XRN1: variants seen among roughly 807,000 people sequenced by gnomAD.
XRN1 encodes 5'-3' exoribonuclease 1, also known as strand-exchange protein 1 homolog.
In XRN1, 67 loss-of-function variants were observed where a neutral mutation model predicts 222.3. The ratio of observed to expected loss-of-function variants is 0.30; its 90% CI spans 0.25 to 0.37. XRN1 has a LOEUF of 0.37. Among genes scored for constraint, XRN1 ranks in the 10% least tolerant of loss-of-function variants. The pLI, the probability that XRN1 is intolerant of heterozygous loss-of-function variation, is 1.00. For missense variants in XRN1, 1,707 were observed against 2,000.2 expected, an observed-to-expected ratio of 0.85 and a Z score of 2.80; for synonymous variants, 643 against 652.4, an observed-to-expected ratio of 0.99 and a Z score of 0.22.
intron 20 of XRN1, among the ~76,000 whole-genome samples, chr3:142,390,563 G>A (rs1472604272): frequency 3.3e-5 from 5 of 152,190 alleles, no homozygotes; most frequent in African/African-American, 9.7e-5. Context: ...GGGCCTTACT[G>A]TGGATTAACC....
rs2065109145 is a variant in XRN1 at position 142,312,678 on chromosome 3, G to A, written c.4702C>T (p.His1568Tyr). 3 of 1,613,770 alleles carry A rather than the reference G, an allele frequency of 1.9e-6. No homozygotes were observed. In the Admixed American group the frequency reaches 5.0e-5, roughly 27 times the overall value. Residue 1568 changes from histidine (H) to tyrosine (Y), a missense_variant, in exon 40 of 41, where the codon CAT becomes TAT. Coordinates refer to ENST00000392981, the MANE Select transcript of XRN1 (RefSeq NM_001282857.2). ...PSVPVPGKPF[H>Y]HTLYSGTMPM... is the part of the protein sequence containing the mutation. ...ATGGTCCCAGAATATAAAGTATGATGGAAGGGCTTCCCAGGAACTGGCACC... is the reference window on the plus strand; with the variant it reads ...ATGGTCCCAGAATATAAAGTATGATAGAAGGGCTTCCCAGGAACTGGCACC...
chr3:142,370,768 C>G (rs1463184328), intron 26 of XRN1, 148 bp from the exon 27 acceptor site: 9 of 588,792 alleles, frequency 1.5e-5, no homozygotes, highest in Non-Finnish European at 2.4e-5. Flanking sequence ...GGACATGTTA[C>G]CTCTTAGTAA....
Position 142,422,899 on chromosome 3 carries a change from G to A in XRN1, c.734C>T (p.Thr245Ile). 1.2e-6 allele frequency: 2 copies of A among 1,612,266 alleles called. No homozygotes were observed. Among genetic ancestry groups the A allele is most frequent in the Non-Finnish European group, 1.7e-6 (2 of 1,178,826 alleles). The change falls in exon 7 of 41, where the codon ACA becomes ATA. Residue 245 changes from threonine to isoleucine, a missense_variant. Around this residue, in one of 2 missense-constraint regions of XRN1, gnomAD observed 1,234 missense variants for 1,518.2 expected, o/e 0.81. Coordinates refer to ENST00000392981, the MANE Select transcript of XRN1 (RefSeq NM_001282857.2). ...TQRVCAPEET[T>I]FHLLHLSLMR... ...TAAAGACAAGTGTAGAAGGTGAAAT[G>A]TAGTTTCTTCTGGAGCACATACCCT...
chr3:142,355,311 C>A, intron 32 of XRN1, 90 bp downstream of exon 32: 2 of 630,984 alleles, frequency 3.2e-6, no homozygotes, highest in South Asian at 5.1e-5. Flanking sequence ...TATGAGATGT[C>A]ACAGAAAAAT....
chr3:142,370,502 C>T lies in XRN1; in HGVS notation c.3187G>A (p.Glu1063Lys). 1.2e-6 allele frequency: 2 copies of T among 1,605,156 alleles called. No homozygotes were observed. Among genetic ancestry groups the T allele is most frequent in the Non-Finnish European group, 8.5e-7 (1 of 1,177,120 alleles). Reference protein sequence around the residue: ...DAAIVEKIEEEVEKCKQRKNN... With the variant: ...DAAIVEKIEEKVEKCKQRKNN... Reference sequence around the variant, plus strand: ...GTTAGTACCTTGCACTTTTCGACTTCTTCCTCAATTTTCTCAACAATAGCT... The same window carrying T: ...GTTAGTACCTTGCACTTTTCGACTTTTTCCTCAATTTTCTCAACAATAGCT... Residue 1063 changes from glutamate to lysine, a missense_variant, in exon 27 of 41, where the codon GAA becomes AAA. By Grantham distance (56) the Glu-to-Lys change is moderately conservative. Coordinates refer to ENST00000392981, the MANE Select transcript of XRN1 (RefSeq NM_001282857.2).
chr3:142,398,571 T>C (rs985985117), intron 19 of XRN1, among the ~76,000 whole-genome samples: 1 of 152,082 alleles, frequency 6.6e-6, no homozygotes, highest in Non-Finnish European at 1.5e-5. Context: ...CTCACTATGA[T>C]GCCCAGGCTG....
At chr3:142,348,938 C>A (rs1018952564) in intron 32 of XRN1, among the ~76,000 whole-genome samples, 1 of 151,902 alleles carries the variant, frequency 6.6e-6, no homozygotes, top group Non-Finnish European at 1.5e-5. Flanking sequence ...CTGTGCCCAG[C>A]CCAAGGCTCT....
chr3:142,392,020 C>T (rs886134534), intron 20 of XRN1, among the ~76,000 whole-genome samples: 2 of 151,888 alleles, frequency 1.3e-5, no homozygotes, highest in South Asian at 2.1e-4. Context: ...GGTCTTCTTC[C>T]ATTCCTAAAC....
At chr3:142,442,318 T>C (rs987772612) in intron 1 of XRN1, among the ~76,000 whole-genome samples, 3 of 151,438 alleles carry the variant, frequency 2.0e-5, no homozygotes, top group African/African-American at 2.4e-5. Context: ...GAACGGGAAA[T>C]AGAAAGGAAC....
intron 18 of XRN1, among the ~76,000 whole-genome samples, chr3:142,402,070 G>C (rs1241859912): frequency 2.6e-5 from 4 of 152,084 alleles, no homozygotes; most frequent in Admixed American, 2.6e-4. Context: ...AATGCACCTT[G>C]TCTTCAAGGA....
At chr3:142,351,526 G>A (rs1353025494) in intron 32 of XRN1, among the ~76,000 whole-genome samples, 1 of 152,112 alleles carries the variant, frequency 6.6e-6, no homozygotes, top group Non-Finnish European at 1.5e-5. Context: ...GAGAGAAGGG[G>A]GGAGAGAGGT....
chr3:142,335,751 C>A (rs1042277063), intron 33 of XRN1, among the ~76,000 whole-genome samples: 1 of 151,906 alleles, frequency 6.6e-6, no homozygotes, highest in African/African-American at 2.4e-5. Flanking sequence ...AAAGGGCAGA[C>A]TAAGAAGTTA....
rs2065025980 is a variant in XRN1, at chr3:142,309,080, C to T, written c.*2431G>A. The stretch of plus-strand genomic sequence containing the variant: ...GGCACATCTCCCATTGACCTCAGGC[C>T]CACATTTAGAATGGGTCTACAGGGG... On this transcript the variant is annotated 3_prime_UTR_variant, in exon 41 of 41. Coordinates refer to ENST00000392981, the MANE Select transcript of XRN1 (RefSeq NM_001282857.2). The T allele has an allele frequency of 6.6e-6, 1 of 152,138 alleles. No individual in the cohort carries two copies. The allele number at this position is 152,138 out of a possible 1,614,324, so 9.4% of individuals were successfully genotyped here. A position where few individuals can be genotyped will look rare whatever the true frequency, so the allele number is the denominator to read the frequency against.
intron 27 of XRN1, among the ~76,000 whole-genome samples, chr3:142,369,765 G>C (rs1253865488): frequency 6.6e-6 from 1 of 151,644 alleles, no homozygotes; most frequent in African/African-American, 2.4e-5. Flanking sequence ...GTAGTTAGAG[G>C]CTGGGTGTGG....
At chr3:142,409,510 T>C (rs1315123133) in intron 15 of XRN1, among the ~76,000 whole-genome samples, 1 of 152,224 alleles carries the variant, frequency 6.6e-6, no homozygotes, top group East Asian at 1.9e-4. Context: ...ACTATTTCTG[T>C]TCCAATTTAT....
intron 33 of XRN1, among the ~76,000 whole-genome samples, chr3:142,337,494 T>TAACA (rs1453234743): frequency 1.3e-5 from 2 of 152,168 alleles, no homozygotes; most frequent in Non-Finnish European, 2.9e-5. Flanking sequence ...AATAAACGAA[T>TAACA]AACAAATGAG....
chr3:142,393,353 T>G (rs552382897), intron 20 of XRN1, among the ~76,000 whole-genome samples: 1,903 of 141,960 alleles, frequency 0.013, 9 homozygotes, highest in Non-Finnish European at 0.015. Context: ...GTCAATTTTG[T>G]CTTTTGTTGC....
rs1228701345 is a variant in XRN1, at chr3:142,308,998, T to C, written c.*2513A>G. ...TCTAAATTCCAGGTCTATCAACAGATTGTTTCCTCAACATGGGGCAGAAAT... is the reference window on the plus strand; with the variant it reads ...TCTAAATTCCAGGTCTATCAACAGACTGTTTCCTCAACATGGGGCAGAAAT... On this transcript the variant is annotated 3_prime_UTR_variant, in exon 41 of 41. Transcript: ENST00000392981. 6.6e-6 allele frequency: 1 copy of C among 152,158 alleles called. No individual in the cohort carries two copies. Among genetic ancestry groups the C allele is most frequent in the Non-Finnish European group, 1.5e-5 (1 of 68,024 alleles). The allele number at this position is 152,158 out of a possible 1,614,324, so 9.4% of individuals were successfully genotyped here.
At chr3:142,366,400 G>A (rs1185664126) in intron 27 of XRN1, among the ~76,000 whole-genome samples, 1 of 152,058 alleles carries the variant, frequency 6.6e-6, no homozygotes, top group African/African-American at 2.4e-5. Context: ...TTTAAACAGT[G>A]TCTATTTTCT....
Sources: allele counts gnomAD v4.1 joint callset (sites outside exome capture counted in the v4.1 genomes callset), GRCh38; gene constraint gnomAD v4.1.1; regional missense constraint gnomAD v4.1.1; transcripts MANE v1.5; gene names NCBI Gene and HGNC (gene_info 2026-07-23, HGNC 2026-07-21).